RIMKLB: variants seen among roughly 807,000 people sequenced by gnomAD.
RIMKLB encodes ribosomal modification protein rimK like family member B, also known as beta-citrylglutamate synthase B.
In RIMKLB, 7 loss-of-function variants were observed where a neutral mutation model predicts 32.0. The observed-to-expected ratio is 0.22, with a 90% CI of 0.12 to 0.41. The LOEUF (loss-of-function observed/expected upper bound fraction) is 0.41. Among genes scored for constraint, RIMKLB ranks in the 10% least tolerant of loss-of-function variants. RIMKLB has a pLI of 1.00. For synonymous variants in RIMKLB, 172 were observed against 185.1 expected (o/e 0.93, Z 0.57); for missense variants, 289 against 498.7 (o/e 0.58, Z 4.00).
intron 2 of RIMKLB, among the ~76,000 whole-genome samples, chr12:8,714,753 A>G (rs1048177797): frequency 1.3e-5 from 2 of 152,190 alleles, no homozygotes; most frequent in Admixed American, 6.5e-5. Flanking sequence ...ATGGCTTACT[A>G]TAGCTAAATT....
In RIMKLB at chr12:8,733,450, G is replaced by C. The variant is rs971364432; in HGVS notation, c.176-16412G>C. Among the ~76,000 whole-genome samples the C allele has an allele frequency of 2.0e-5, 3 of 152,188 alleles. No individual in the cohort carries two copies. The East Asian group carries it at 5.8e-4, about 29-fold the overall frequency. ...ACCATAGCCATGAATAGACACGGAG[G>C]AGGAGAATGTTCTATTATTAAGTAA... On this transcript the variant is annotated intron_variant, in intron 2 of 5. Transcript: ENST00000535829.
At chr12:8,732,767 A>C (rs1243855561) in intron 2 of RIMKLB, among the ~76,000 whole-genome samples, 1 of 151,270 alleles carries the variant, frequency 6.6e-6, no homozygotes, top group African/African-American at 2.4e-5. Context: ...ACACACACAC[A>C]CACACACACA....
chr12:8,688,436 CAG>C (rs1384572777), intron 1 of RIMKLB, among the ~76,000 whole-genome samples: 1 of 152,062 alleles, frequency 6.6e-6, no homozygotes, highest in African/African-American at 2.4e-5. Context: ...AATGAGAAAA[CAG>C]AAGATAAATA....
At chr12:8,673,203 A>T in the RIMKLB span, among the ~76,000 whole-genome samples, 1 of 151,974 alleles carries the variant, frequency 6.6e-6, no homozygotes, top group Non-Finnish European at 1.5e-5. Context: ...ATTTCTTTAG[A>T]GTAATGCAAG....
the RIMKLB span, among the ~76,000 whole-genome samples, chr12:8,674,284 G>T: frequency 6.9e-6 from 1 of 145,080 alleles, no homozygotes; most frequent in Non-Finnish European, 1.5e-5. Context: ...CATTGCCCAG[G>T]CTGGAGTGCA....
intron 4 of RIMKLB, 85 bp downstream of exon 4, chr12:8,752,128 G>A: frequency 1.1e-6 from 1 of 888,538 alleles, no homozygotes; most frequent in Non-Finnish European, 1.8e-6. Context: ...ATAGTTAGAG[G>A]GAAATTGTTA....
intron 1 of RIMKLB, among the ~76,000 whole-genome samples, chr12:8,686,573 G>A (rs191395192): frequency 2.4e-4 from 36 of 151,632 alleles, no homozygotes; most frequent in Middle Eastern, 3.4e-3. Flanking sequence ...TCCGCCTCCC[G>A]GATTCATGCC....
downstream of RIMKLB, among the ~76,000 whole-genome samples, chr12:8,781,580 A>C (rs1020448995): frequency 6.6e-6 from 1 of 151,848 alleles, no homozygotes; most frequent in South Asian, 2.1e-4. Flanking sequence ...CTGTTCCTCT[A>C]TCTCTCCCTG....
At chr12:8,671,196 T>C in the RIMKLB span, among the ~76,000 whole-genome samples, 1 of 152,164 alleles carries the variant, frequency 6.6e-6, no homozygotes, top group South Asian at 2.1e-4. Flanking sequence ...TTGCTACTTA[T>C]GCAAGTTTCT....
Position 8,707,894 on chromosome 12 carries a change from GGGGA to G in RIMKLB, c.-56-5916_-56-5913del, listed in dbSNP as rs1565557640. ...CAACTCCCGTGATTCCTATCCAAGA[GGGGA>G]TAGTGTTGAAAACAAGTCTTTAGTA... On this transcript the variant is annotated intron_variant, in intron 1 of 5. Coordinates refer to ENST00000535829, the MANE Select transcript of RIMKLB (RefSeq NM_001297776.2). Among the ~76,000 whole-genome samples, 13 of 152,278 alleles carry G rather than the reference GGGGA, an allele frequency of 8.5e-5. No individual in the cohort carries two copies. In the South Asian group the frequency reaches 2.7e-3, roughly 32 times the overall value.
At chr12:8,716,701 T>G (rs1944879590) in intron 2 of RIMKLB, among the ~76,000 whole-genome samples, 1 of 148,064 alleles carries the variant, frequency 6.8e-6, no homozygotes, top group African/African-American at 2.5e-5. Flanking sequence ...TAGTTAGCCC[T>G]CTAGCTTTTT....
At chr12:8,695,531 CATG>C (rs1195938607), upstream of RIMKLB, among the ~76,000 whole-genome samples, 6 of 151,860 alleles carry the variant, frequency 4.0e-5, no homozygotes, top group Non-Finnish European at 7.4e-5. Context: ...TTAACAATAT[CATG>C]ATAATGGTAA....
chr12:8,773,434 G>A lies in RIMKLB; in HGVS notation c.811G>A (p.Gly271Ser), dbSNP rs775097310. 1.2e-5 allele frequency: 20 copies of A among 1,614,066 alleles called. No individual in the cohort carries two copies. In the East Asian group the frequency reaches 1.6e-4, roughly 13 times the overall value. ...CATTGATCTGCTGATGAAAGATGAC[G>A]GCTCCTTCTGCGTCTGTGAGGCCAA... ...CGIDLLMKDDGSFCVCEANAN... is the reference protein window; with the variant it reads ...CGIDLLMKDDSSFCVCEANAN... The change falls in exon 6 of 6, where the codon GGC (glycine) becomes AGC (serine). Residue 271 changes from glycine (G) to serine (S), a missense_variant. Gly to Ser is a moderately conservative substitution (Grantham distance 56, BLOSUM62 0). This residue lies in a region of RIMKLB where 156 missense variants were observed against 329.5 expected (regional missense o/e 0.47). Transcript: ENST00000535829.
In RIMKLB at chr12:8,773,661, A is replaced by C. The variant is rs1950568696; in HGVS notation, c.1038A>C (p.Ala346=). 6.2e-7 allele frequency: 1 copy of C among 1,614,146 alleles called. No homozygotes were observed. Among genetic ancestry groups the C allele is most frequent in the South Asian group, 1.1e-5 (1 of 91,090 alleles). Residue 346 remains alanine, a synonymous_variant, in exon 6 of 6, where the codon GCA becomes GCC. Coordinates refer to ENST00000535829, the MANE Select transcript of RIMKLB (RefSeq NM_001297776.2). ...GCACTGCTGTTGACAACATGAGTGC[A>C]AGTTCCAGCTCTGTTGACAGCGACC... ...PASTAVDNMS[A]SSSSVDSDPE...
At chr12:8,748,571 T>TATATATAC (rs1273930914) in intron 2 of RIMKLB, among the ~76,000 whole-genome samples, 2 of 148,922 alleles carry the variant, frequency 1.3e-5, no homozygotes, top group African/African-American at 4.9e-5. Flanking sequence ...TATATATATA[T>TATATATAC]ACACAAAATT....
At chr12:8,758,990 A>G (rs1476942558) in intron 5 of RIMKLB, among the ~76,000 whole-genome samples, 1 of 152,178 alleles carries the variant, frequency 6.6e-6, no homozygotes, top group African/African-American at 2.4e-5. Context: ...GTGTTTTACT[A>G]TTGTGAGCAA....
exon 1 of RIMKLB, chr12:8,681,626 A>AG (rs1244508664): frequency 6.6e-6 from 1 of 152,092 alleles, no homozygotes; most frequent in African/African-American, 2.4e-5. Flanking sequence ...CAGGCTGGAG[A>AG]GGGGGCTGGA....
rs1950724675 is a variant in RIMKLB, at chr12:8,776,317, A to G, written c.*2533A>G. ...GCAGTAGTTATCTTAGATTTTAAAA[A>G]CATGGATATCTTCTTGAATTCCTTC... On this transcript the variant is annotated 3_prime_UTR_variant, in exon 6 of 6. Coordinates refer to ENST00000535829, the MANE Select transcript of RIMKLB (RefSeq NM_001297776.2). 2 of 978,226 alleles carry G rather than the reference A, an allele frequency of 2.0e-6. No homozygotes were observed. Among genetic ancestry groups the G allele is most frequent in the South Asian group, 9.5e-5 (2 of 21,134 alleles). The allele number at this position is 978,226 out of a possible 1,614,324, so 60.6% of individuals were successfully genotyped here. A position where few individuals can be genotyped will look rare whatever the true frequency, so the allele number is the denominator to read the frequency against.
chr12:8,773,403 G>T lies in RIMKLB; in HGVS notation c.780G>T (p.Val260=). ...IQVSNILGMD[V]CGIDLLMKDD... is the part of the protein sequence containing the mutation. The stretch of plus-strand genomic sequence containing the variant: ...TGTCTAATATCCTGGGGATGGATGT[G>T]TGTGGCATTGATCTGCTGATGAAAG... The change falls in exon 6 of 6, where the codon GTG becomes GTT. Residue 260 remains valine (V), a synonymous_variant. Coordinates refer to ENST00000535829, the MANE Select transcript of RIMKLB (RefSeq NM_001297776.2). 6.2e-7 allele frequency: 1 copy of T among 1,614,204 alleles called. No individual in the cohort carries two copies. Among genetic ancestry groups the T allele is most frequent in the South Asian group, 1.1e-5 (1 of 91,090 alleles).
Sources: allele counts gnomAD v4.1 joint callset (sites outside exome capture counted in the v4.1 genomes callset), GRCh38; gene constraint gnomAD v4.1.1; regional missense constraint gnomAD v4.1.1; transcripts MANE v1.5; gene names NCBI Gene and HGNC (gene_info 2026-07-23, HGNC 2026-07-21).